Variants in LASP1 observed in about 807,000 individuals in gnomAD.
LASP1 encodes LIM and SH3 protein 1.
Under a neutral mutation model 38.6 loss-of-function variants are expected in LASP1, and 10 were observed. The observed-to-expected ratio is 0.26, with a 90% confidence interval of 0.16 to 0.44. The LOEUF (loss-of-function observed/expected upper bound fraction) is 0.44. Ranked by LOEUF, LASP1 falls within the 20% of genes least tolerant of loss-of-function variation. The pLI is 1.00. For missense variants in LASP1, 243 were observed against 375.7 expected, an observed-to-expected ratio of 0.65 and a Z score of 2.92; for synonymous variants, 132 against 140.8, an observed-to-expected ratio of 0.94 and a Z score of 0.44.
intron 1 of LASP1, among the ~76,000 whole-genome samples, chr17:38,871,803 A>G (rs986994108): frequency 6.6e-6 from 1 of 151,902 alleles, no homozygotes; most frequent in Admixed American, 6.6e-5. Flanking sequence ...AGGAGGGGGT[A>G]TATTGTGGGC....
intron 1 of LASP1, chr17:38,873,966 C>G (rs11869061): frequency 0.05 from 7,683 of 152,308 alleles, 659 homozygotes; most frequent in African/African-American, 0.17. Flanking sequence ...ACAGGCTGTC[C>G]CAAGTGAGGG....
At chr17:38,902,372 C>CTTT (rs34801327) in intron 4 of LASP1, among the ~76,000 whole-genome samples, 2 of 84,282 alleles carry the variant, frequency 2.4e-5, no homozygotes, top group African/African-American at 4.8e-5. Context: ...CCCAGGGGAG[C>CTTT]TTTTTTTTTT....
At chr17:38,888,914 G>A (rs1445627822) in intron 2 of LASP1, among the ~76,000 whole-genome samples, 1 of 152,190 alleles carries the variant, frequency 6.6e-6, no homozygotes, top group Admixed American at 6.5e-5. Flanking sequence ...GGAAATTGGC[G>A]GCTAAGTTCA....
chr17:38,874,428 G>A (rs961485009), intron 1 of LASP1, among the ~76,000 whole-genome samples: 3 of 151,824 alleles, frequency 2.0e-5, no homozygotes, highest in Admixed American at 1.3e-4. Flanking sequence ...GCTCACAGCG[G>A]TTGTGGAGGG....
chr17:38,907,641 C>T (rs1248003257), intron 4 of LASP1, among the ~76,000 whole-genome samples: 1 of 152,186 alleles, frequency 6.6e-6, no homozygotes, highest in Non-Finnish European at 1.5e-5. Flanking sequence ...AAGAGCTGTA[C>T]AGCTGCAGAG....
chr17:38,896,995 C>T (rs1187901187), intron 3 of LASP1: 25 of 985,334 alleles, frequency 2.5e-5, no homozygotes, highest in East Asian at 1.1e-4. Context: ...CCCCGATGCC[C>T]GCTTCCCAAA....
At chr17:38,902,085 AG>A (rs1914656187) in intron 4 of LASP1, among the ~76,000 whole-genome samples, 1 of 148,932 alleles carries the variant, frequency 6.7e-6, no homozygotes, top group South Asian at 2.1e-4. Flanking sequence ...TTTTTGAGAC[AG>A]GGTTTCGCTC....
intron 4 of LASP1, 178 bp downstream of exon 4, chr17:38,898,697 C>T (rs1403797204): frequency 3.0e-6 from 2 of 670,600 alleles, no homozygotes; most frequent in East Asian, 2.8e-5. Context: ...CTCTGTGTAC[C>T]CCCAGACCAC....
At chr17:38,909,354 T>C (rs1248602004) in intron 4 of LASP1, among the ~76,000 whole-genome samples, 2 of 152,086 alleles carry the variant, frequency 1.3e-5, no homozygotes, top group African/African-American at 2.4e-5. Context: ...ACGGCTGTAA[T>C]CCCAGCACTT....
intron 5 of LASP1, among the ~76,000 whole-genome samples, chr17:38,914,679 C>CAG (rs1316462766): frequency 2.8e-4 from 1 of 3,524 alleles, no homozygotes; most frequent in Non-Finnish European, 7.1e-4. Flanking sequence ...GAGAGACAGA[C>CAG]ACACACACAC....
At chr17:38,890,283 G>C in intron 2 of LASP1, 137 bp from the exon 3 acceptor site, 1 of 706,906 alleles carries the variant, frequency 1.4e-6, no homozygotes, top group East Asian at 2.6e-5. Flanking sequence ...GGTGGACACT[G>C]AAGTCCTCCT....
At chr17:38,908,924 A>G (rs1914847159) in intron 4 of LASP1, among the ~76,000 whole-genome samples, 1 of 152,248 alleles carries the variant, frequency 6.6e-6, no homozygotes. Flanking sequence ...GGGACTGCCC[A>G]GGCTGGGACA....
At chr17:38,893,459 T>A (rs531730272) in intron 3 of LASP1, among the ~76,000 whole-genome samples, 1 of 152,268 alleles carries the variant, frequency 6.6e-6, no homozygotes, top group East Asian at 1.9e-4. Context: ...CCGACCCTGT[T>A]TGTATGCTCT....
chr17:38,888,814 C>G (rs1914218479), intron 2 of LASP1, among the ~76,000 whole-genome samples: 1 of 152,244 alleles, frequency 6.6e-6, no homozygotes, highest in Admixed American at 6.5e-5. Flanking sequence ...CCAGAGTCTT[C>G]TGGAGGTCTC....
intron 4 of LASP1, among the ~76,000 whole-genome samples, chr17:38,912,069 C>T (rs1340889316): frequency 6.6e-6 from 1 of 152,234 alleles, no homozygotes; most frequent in East Asian, 1.9e-4. Flanking sequence ...TCTGGGATTA[C>T]AGGCGTGATC....
Position 38,898,499 on chromosome 17 carries a change from A to G in LASP1, c.337A>G (p.Thr113Ala), listed in dbSNP as rs1477923925. 2 of 1,551,184 alleles carry G rather than the reference A, an allele frequency of 1.3e-6. No individual in the cohort carries two copies. The highest frequency in any genetic ancestry group is 2.4e-5 in the South Asian group (2 of 84,054). Residue 113 changes from threonine (T) to alanine (A), a missense_variant, in exon 4 of 7, where the codon ACC (threonine) becomes GCC (alanine). Coordinates refer to ENST00000318008, the MANE Select transcript of LASP1 (RefSeq NM_006148.4). The part of the protein sequence containing the change: ...DTPELQRIKK[T>A]QDQISNIKYH... ...GCCCGAGCTCCAGAGAATCAAGAAG[A>G]CCCAGGACCAGATCAGTAACGTGAG...
At chr17:38,878,231 C>T (rs771316897) in intron 2 of LASP1, 51 bp downstream of exon 2, 12 of 1,200,654 alleles carry the variant, frequency 1.0e-5, no homozygotes, top group African/African-American at 7.5e-5. Flanking sequence ...GCTCCCTCCC[C>T]GAGTGAGTTC....
At chr17:38,887,448 T>C (rs1462134905) in intron 2 of LASP1, among the ~76,000 whole-genome samples, 1 of 152,234 alleles carries the variant, frequency 6.6e-6, no homozygotes, top group East Asian at 1.9e-4. Flanking sequence ...ACAGGAACTT[T>C]GAAGGGAGCT....
intron 4 of LASP1, among the ~76,000 whole-genome samples, chr17:38,904,804 C>T (rs1440429256): frequency 6.6e-6 from 1 of 152,174 alleles, no homozygotes; most frequent in Non-Finnish European, 1.5e-5. Context: ...GAGCTTCAGT[C>T]TTTAGAGTCT....
Sources: allele counts gnomAD v4.1 joint callset (sites outside exome capture counted in the v4.1 genomes callset), GRCh38; gene constraint gnomAD v4.1.1; transcripts MANE v1.5; gene names NCBI Gene and HGNC (gene_info 2026-07-23, HGNC 2026-07-21).